TRPM1: variants seen among roughly 807,000 people sequenced by gnomAD.
The protein encoded by TRPM1 is TRPM1-203 APA Isoform, Intron 10.
TRPM1 carries 113 observed loss-of-function variants against 149.4 expected under a neutral mutation model. That is an observed-to-expected ratio of 0.76 (90% confidence interval 0.65 to 0.88). The LOEUF (loss-of-function observed/expected upper bound fraction) is 0.88. TRPM1 is among the 40% of genes least tolerant of loss of function. TRPM1 has a pLI of 0.00. For synonymous variants in TRPM1, 741 were observed against 759.5 expected, an observed-to-expected ratio of 0.98 and a Z score of 0.40; for missense variants, 1,976 against 2,038.7, an observed-to-expected ratio of 0.97 and a Z score of 0.59.
intron 7 of TRPM1, 110 bp from the exon 8 acceptor site, chr15:31,063,402 G>A: frequency 1.5e-6 from 2 of 1,365,224 alleles, no homozygotes; most frequent in East Asian, 2.3e-5. Flanking sequence ...CTTGGGGGAT[G>A]TTCTATCTGG....
At chr15:31,159,353 C>CT (rs1390724824) in intron 1 of TRPM1, among the ~76,000 whole-genome samples, 1 of 152,148 alleles carries the variant, frequency 6.6e-6, no homozygotes, top group Non-Finnish European at 1.5e-5. Flanking sequence ...AAGCCTGTTC[C>CT]TTTTCAGAGC....
intron 1 of TRPM1, among the ~76,000 whole-genome samples, chr15:31,120,185 T>C (rs994865864): frequency 1.3e-5 from 2 of 152,064 alleles, no homozygotes; most frequent in South Asian, 2.1e-4. Flanking sequence ...TATAAAGATA[T>C]AGCAAATTAA....
intron 1 of TRPM1, among the ~76,000 whole-genome samples, chr15:31,136,286 G>A (rs1247856173): frequency 6.6e-6 from 1 of 152,162 alleles, no homozygotes; most frequent in Non-Finnish European, 1.5e-5. Flanking sequence ...TTAGCTCTGT[G>A]TTTCCATGTG....
At chr15:31,062,501 G>A in intron 9 of TRPM1, 78 bp downstream of exon 9, 2 of 1,565,768 alleles carry the variant, frequency 1.3e-6, no homozygotes, top group Non-Finnish European at 8.8e-7. Flanking sequence ...ACCCTGTCAT[G>A]CACACATGGG....
chr15:31,066,972 T>G, intron 6 of TRPM1, 91 bp downstream of exon 6: 1 of 1,559,772 alleles, frequency 6.4e-7, no homozygotes, highest in Non-Finnish European at 8.8e-7. Flanking sequence ...AGCTCTCTTA[T>G]TATTCTTACA....
chr15:31,077,792 CAG>C (rs980236069), intron 2 of TRPM1, among the ~76,000 whole-genome samples: 41 of 151,412 alleles, frequency 2.7e-4, no homozygotes, highest in Middle Eastern at 3.4e-3. Context: ...TGTACGAGTG[CAG>C]AGTGTGTCGT....
At chr15:31,160,855 C>T in intron 1 of TRPM1, 4 of 1,524,518 alleles carry the variant, frequency 2.6e-6, no homozygotes, top group Non-Finnish European at 3.5e-6. Context: ...GACCAGTGTC[C>T]CTCTGCCCTT....
intron 1 of TRPM1, among the ~76,000 whole-genome samples, chr15:31,113,694 C>A (rs1440053180): frequency 6.6e-6 from 1 of 152,086 alleles, no homozygotes; most frequent in Non-Finnish European, 1.5e-5. Flanking sequence ...CTACTGTGCC[C>A]ATAGTTAGTT....
chr15:31,085,448 A>G (rs1247504987), intron 1 of TRPM1, among the ~76,000 whole-genome samples: 1 of 152,240 alleles, frequency 6.6e-6, no homozygotes, highest in Admixed American at 6.5e-5. Context: ...AAAATGGAAG[A>G]AAGTCGTATC....
chr15:31,136,486 C>T (rs180877270), intron 1 of TRPM1, among the ~76,000 whole-genome samples: 8 of 152,336 alleles, frequency 5.3e-5, no homozygotes, highest in East Asian at 3.9e-4. Flanking sequence ...CCACCCTCTA[C>T]GAGGTAACTG....
chr15:31,076,466 G>C (rs1041635798), intron 3 of TRPM1, among the ~76,000 whole-genome samples: 2 of 152,156 alleles, frequency 1.3e-5, no homozygotes, highest in Non-Finnish European at 2.9e-5. Context: ...GAATAAAATT[G>C]TTGGATGTTT....
intron 3 of TRPM1, chr15:31,070,479 T>TTTGA (rs1345459527): frequency 1.4e-6 from 1 of 692,758 alleles, no homozygotes; most frequent in East Asian, 2.7e-5. Context: ...ATTTCAACTT[T>TTTGA]TTGATGTCTT....
Position 31,009,734 on chromosome 15 carries a change from C to CAA in TRPM1, c.3630-6665_3630-6664insTT, listed in dbSNP as rs1382311293. On this transcript the variant is annotated intron_variant, in intron 27 of 27. Coordinates refer to ENST00000256552, the MANE Select transcript of TRPM1 (RefSeq NM_001252024.2). ...GAGGCTTTGGGCTTTTTCTTTAGCCCATTTACTCTCTTGTTCAAATTGAGT... is the reference window on the plus strand; with the variant it reads ...GAGGCTTTGGGCTTTTTCTTTAGCCCAAATTTACTCTCTTGTTCAAATTGAGT... Among the ~76,000 whole-genome samples the CAA allele has an allele frequency of 1.2e-3, 180 of 152,226 alleles. 1 individual carries two copies. Among genetic ancestry groups the CAA allele is most frequent in the African/African-American group, 4.3e-3 (178 of 41,534 alleles).
At chr15:31,034,683 T>C (rs2033262709) in intron 21 of TRPM1, among the ~76,000 whole-genome samples, 3 of 152,214 alleles carry the variant, frequency 2.0e-5, no homozygotes, top group African/African-American at 7.2e-5. Context: ...ATAAAAGAGA[T>C]GGCATTTTTC....
chr15:31,047,794 GAAT>G, intron 14 of TRPM1, 92 bp downstream of exon 14: 1 of 1,005,206 alleles, frequency 9.9e-7, no homozygotes, highest in Non-Finnish European at 1.6e-6. Flanking sequence ...CCTGTGCCTG[GAAT>G]AATAATACAT....
chr15:31,028,498 G>A, intron 24 of TRPM1, 22 bp from the exon 25 acceptor site: 4 of 1,613,334 alleles, frequency 2.5e-6, no homozygotes, highest in Non-Finnish European at 3.4e-6. Context: ...AAATAGTTTT[G>A]TCTTTGCTTT....
intron 1 of TRPM1, among the ~76,000 whole-genome samples, chr15:31,158,513 A>C (rs2036405532): frequency 6.6e-6 from 1 of 151,494 alleles, no homozygotes; most frequent in Non-Finnish European, 1.5e-5. Flanking sequence ...TGTAGTCCCA[A>C]CTACTTGGGA....
At chr15:31,053,553 C>T (rs1219325038) in intron 11 of TRPM1, among the ~76,000 whole-genome samples, 2 of 152,170 alleles carry the variant, frequency 1.3e-5, no homozygotes, top group Non-Finnish European at 2.9e-5. Context: ...ATGTAAGCCA[C>T]TGTGCCCAGC....
rs1023043121 is a variant in TRPM1, at chr15:31,001,531, T to A, written c.*291A>T. The A allele has an allele frequency of 2.4e-6, 1 of 418,908 alleles. No individual in the cohort carries two copies. Among genetic ancestry groups the A allele is most frequent in the South Asian group, 2.5e-5 (1 of 39,378 alleles). The allele number at this position is 418,908 out of a possible 1,614,324, so 25.9% of individuals were successfully genotyped here. A position where few individuals can be genotyped will look rare whatever the true frequency, so the allele number is the denominator to read the frequency against. ...TGCTCGAGGGCACTTCCTAGGCTAT[T>A]TGGTGGCCCTCAGTAATAAAGAGAT... On this transcript the variant is annotated 3_prime_UTR_variant, in exon 28 of 28. Coordinates refer to ENST00000256552, the MANE Select transcript of TRPM1 (RefSeq NM_001252024.2).
Sources: allele counts gnomAD v4.1 joint callset (sites outside exome capture counted in the v4.1 genomes callset), GRCh38; gene constraint gnomAD v4.1.1; transcripts MANE v1.5; gene names NCBI Gene and HGNC (gene_info 2026-07-23, HGNC 2026-07-21).